Variants in FAM78B observed in about 807,000 individuals in gnomAD.
FAM78B encodes the protein family with sequence similarity 78 member B.
In FAM78B, 10 loss-of-function variants were observed where a neutral mutation model predicts 20.0. That is an observed-to-expected ratio of 0.50 (90% CI 0.31 to 0.85). The LOEUF (loss-of-function observed/expected upper bound fraction) is 0.85, where lower values mean the gene tolerates loss of function less well. FAM78B is among the 40% of genes least tolerant of loss of function. The pLI, the probability that FAM78B is intolerant of heterozygous loss-of-function variation, is 0.05. For missense variants in FAM78B, 283 were observed against 345.0 expected (o/e 0.82, Z 1.42); for synonymous variants, 135 against 132.8 (o/e 1.02, Z -0.12).
intron 1 of FAM78B, among the ~76,000 whole-genome samples, chr1:166,145,005 T>C (rs1388488925): frequency 6.6e-6 from 1 of 152,162 alleles, no homozygotes; most frequent in East Asian, 1.9e-4. Context: ...CAGACTTGAC[T>C]ATCATTTTAA....
intron 1 of FAM78B, among the ~76,000 whole-genome samples, chr1:166,077,592 CATATAATT>C (rs1052062646): frequency 2.1e-5 from 3 of 142,796 alleles, no homozygotes; most frequent in African/African-American, 7.7e-5. Flanking sequence ...ATATAAAATA[CATATAATT>C]ATATATTTAT....
Position 166,165,986 on chromosome 1 carries a change from A to C in FAM78B, c.263T>G (p.Met88Arg). Residue 88 changes from methionine (M) to arginine (R), a missense_variant and splice_region_variant, in exon 1 of 2, where the codon ATG becomes AGG. By Grantham distance (91) the Met-to-Arg change is moderately conservative. Coordinates refer to ENST00000354422, the MANE Select transcript of FAM78B (RefSeq NM_001017961.5). ...CCGTGCCGCGCGGCGAGTCGCTTAC[A>C]TGCCCAGGTCGCTGTAGGTGTTGAA... is the stretch of plus-strand genomic sequence containing the variant. ...EFFNTYSDLG[M>R]SSWELPDLRE... The C allele has an allele frequency of 6.2e-7, 1 of 1,613,578 alleles. No individual in the cohort carries two copies. Among genetic ancestry groups the C allele is most frequent in the Non-Finnish European group, 8.5e-7 (1 of 1,179,900 alleles).
chr1:166,138,647 T>C (rs1215821301), intron 1 of FAM78B, among the ~76,000 whole-genome samples: 1 of 152,230 alleles, frequency 6.6e-6, no homozygotes, highest in Non-Finnish European at 1.5e-5. Flanking sequence ...AGCAGATTTC[T>C]AAGTACTAAA....
At chr1:166,086,598 T>C (rs536196467) in intron 1 of FAM78B, among the ~76,000 whole-genome samples, 1 of 152,280 alleles carries the variant, frequency 6.6e-6, no homozygotes, top group South Asian at 2.1e-4. Context: ...GTTTATTGTT[T>C]TCATTAACTT....
chr1:166,161,198 G>A (rs575709253), intron 1 of FAM78B, among the ~76,000 whole-genome samples: 1 of 152,046 alleles, frequency 6.6e-6, no homozygotes, highest in South Asian at 2.1e-4. Flanking sequence ...TGTCAGCCAG[G>A]CTGGAGTGTG....
At chr1:166,143,199 T>C (rs1361225059) in intron 1 of FAM78B, among the ~76,000 whole-genome samples, 2 of 152,118 alleles carry the variant, frequency 1.3e-5, no homozygotes, top group Non-Finnish European at 2.9e-5. Context: ...ACTATTAATA[T>C]ATAGTAGAGG....
chr1:166,150,209 G>A (rs996949381), intron 1 of FAM78B, among the ~76,000 whole-genome samples: 1 of 151,890 alleles, frequency 6.6e-6, no homozygotes, highest in African/African-American at 2.4e-5. Flanking sequence ...GGGACAACGT[G>A]CTGGACTCTC....
At chr1:166,151,912 T>C (rs541869571) in intron 1 of FAM78B, among the ~76,000 whole-genome samples, 1 of 152,284 alleles carries the variant, frequency 6.6e-6, no homozygotes, top group South Asian at 2.1e-4. Context: ...ACTAAATCCA[T>C]ACCAGTACTT....
At chr1:166,161,761 G>A (rs1557923327) in intron 1 of FAM78B, among the ~76,000 whole-genome samples, 1 of 152,196 alleles carries the variant, frequency 6.6e-6, no homozygotes, top group Non-Finnish European at 1.5e-5. Context: ...AAAGAGTGGA[G>A]GTGTTGTTTA....
intron 1 of FAM78B, among the ~76,000 whole-genome samples, chr1:166,118,354 A>T (rs1485303382): frequency 3.9e-5 from 6 of 152,204 alleles, no homozygotes; most frequent in South Asian, 2.1e-4. Context: ...ATGAGATTTT[A>T]AAAAAGTCTA....
At chr1:166,109,888 A>ATT in intron 1 of FAM78B, among the ~76,000 whole-genome samples, 1 of 27,614 alleles carries the variant, frequency 3.6e-5, no homozygotes, top group South Asian at 1.4e-3. Context: ...ATATGTATAT[A>ATT]TGTATATATA....
At chr1:166,068,606 T>G (rs1651891991), downstream of FAM78B, among the ~76,000 whole-genome samples, 1 of 152,224 alleles carries the variant, frequency 6.6e-6, no homozygotes, top group African/African-American at 2.4e-5. Flanking sequence ...CTGCTTTTTA[T>G]TCTCTATCCA....
intron 1 of FAM78B, among the ~76,000 whole-genome samples, chr1:166,103,445 A>G (rs1653614105): frequency 6.6e-6 from 1 of 152,200 alleles, no homozygotes; most frequent in African/African-American, 2.4e-5. Context: ...AACAAAATTA[A>G]TAGACGTTAG....
rs556553613 is a variant in FAM78B, at chr1:166,098,901, G to T, written c.264-28138C>A. Among the ~76,000 whole-genome samples, 37 of 152,254 alleles carry T rather than the reference G, an allele frequency of 2.4e-4. No homozygotes were observed. In the South Asian group the frequency reaches 7.7e-3, roughly 32 times the overall value. On this transcript the variant is annotated intron_variant, in intron 1 of 1. Transcript: ENST00000354422. ...AATACAAGGAGCACAAAGAACACCT[G>T]GGAAATTCATCACGAAAAGATCTTT...
At chr1:166,056,173 CCTTTT>C (rs1361657126), downstream of FAM78B, among the ~76,000 whole-genome samples, 2 of 152,100 alleles carry the variant, frequency 1.3e-5, no homozygotes, top group African/African-American at 4.8e-5. Context: ...TGGCAGAGGC[CCTTTT>C]CTTAAATTTT....
rs541855035 is a variant in FAM78B, at chr1:166,072,333, G to A, written c.264-1570C>T. Among the ~76,000 whole-genome samples, 46 of 152,284 alleles carry A rather than the reference G, an allele frequency of 3.0e-4. No individual in the cohort carries two copies. The Middle Eastern group carries it at 0.014, about 45-fold the overall frequency. On this transcript the variant is annotated intron_variant, in intron 1 of 1. Transcript: ENST00000354422. ...CTGGGGAGGAGGTGACCCCACAGCT[G>A]CAAGAGCCTTTTTTCTTGTCATGCC... is the stretch of plus-strand genomic sequence containing the variant.
At chr1:166,105,622 C>T (rs1653741778) in intron 1 of FAM78B, among the ~76,000 whole-genome samples, 1 of 152,156 alleles carries the variant, frequency 6.6e-6, no homozygotes, top group Non-Finnish European at 1.5e-5. Context: ...TCATCACTGG[C>T]CATCAGAGAA....
chr1:166,133,242 T>C (rs570402633), intron 1 of FAM78B, among the ~76,000 whole-genome samples: 3 of 152,304 alleles, frequency 2.0e-5, no homozygotes, highest in South Asian at 4.2e-4. Context: ...TATCCTGACC[T>C]AGCAGCTTCA....
chr1:166,123,080 C>T (rs113929492), intron 1 of FAM78B, among the ~76,000 whole-genome samples: 3,399 of 152,318 alleles, frequency 0.022, 59 homozygotes, highest in East Asian at 0.059. Context: ...GCAGGGACAG[C>T]AGAGCAGCAG....
Sources: allele counts gnomAD v4.1 joint callset (sites outside exome capture counted in the v4.1 genomes callset), GRCh38; gene constraint gnomAD v4.1.1; transcripts MANE v1.5; gene names NCBI Gene and HGNC (gene_info 2026-07-23, HGNC 2026-07-21).